F5: variants seen among roughly 807,000 people sequenced by gnomAD.
The protein encoded by F5 is coagulation factor V.
Under a neutral mutation model 216.4 loss-of-function variants are expected in F5, and 138 were observed. That is an observed-to-expected ratio of 0.64 (90% CI 0.56 to 0.73). The LOEUF (loss-of-function observed/expected upper bound fraction) is 0.73. Among genes scored for constraint, F5 ranks in the 30% least tolerant of loss-of-function variants. The pLI is 0.00. For synonymous variants in F5, 916 were observed against 930.7 expected (o/e 0.98, Z 0.29); for missense variants, 2,403 against 2,674.0 (o/e 0.90, Z 2.24).
In F5 at chr1:169,512,519, G is replaced by C. The variant is rs1659052485; in HGVS notation, c.*1794C>G. ...AACTGCAAAGCATTAAATTTAGCAT[G>C]CGGTCCTTCTGAGCATGTGACCCTT... On this transcript the variant is annotated 3_prime_UTR_variant, in exon 25 of 25. Coordinates refer to ENST00000367797, the MANE Select transcript of F5 (RefSeq NM_000130.5). Among the ~76,000 whole-genome samples, 1 of 152,058 alleles carries C rather than the reference G, an allele frequency of 6.6e-6. No homozygotes were observed. Among genetic ancestry groups the C allele is most frequent in the Admixed American group, 6.6e-5 (1 of 15,236 alleles).
chr1:169,544,944 G>T (rs1026946714), intron 11 of F5, among the ~76,000 whole-genome samples: 2 of 152,098 alleles, frequency 1.3e-5, no homozygotes, highest in African/African-American at 2.4e-5. Flanking sequence ...AGTTTTTATT[G>T]CTGTCTTATA....
In F5 at chr1:169,586,458, A is replaced by T; in HGVS notation, c.-72T>A. On this transcript the variant is annotated 5_prime_UTR_variant, in exon 1 of 25. Transcript: ENST00000367797. Reference sequence around the variant, plus strand: ...CAGCGCTTGCCGAGCTGCTAACCACACTCCGGGCTGTCCCAGCTGCAATGA... The same window carrying T: ...CAGCGCTTGCCGAGCTGCTAACCACTCTCCGGGCTGTCCCAGCTGCAATGA... 6.4e-7 allele frequency: 1 copy of T among 1,555,894 alleles called. No homozygotes were observed.
intron 1 of F5, 87 bp downstream of exon 1, chr1:169,586,142 A>C: frequency 6.9e-7 from 1 of 1,442,004 alleles, no homozygotes; most frequent in South Asian, 1.2e-5. Flanking sequence ...AAAAAAAAAA[A>C]GCCATGACAT....
intron 17 of F5, 51 bp downstream of exon 17, chr1:169,527,864 C>A: frequency 6.2e-7 from 1 of 1,604,192 alleles, no homozygotes; most frequent in Non-Finnish European, 8.5e-7. Context: ...TACAGATTGC[C>A]TTTTCCCTGT....
At chr1:169,560,999 G>C (rs577345967) in intron 3 of F5, among the ~76,000 whole-genome samples, 45 of 152,248 alleles carry the variant, frequency 3.0e-4, no homozygotes, top group Non-Finnish European at 8.8e-5. Flanking sequence ...GTAAATTAAA[G>C]TTTAGCAAGT....
chr1:169,586,279 C>T lies in F5; in HGVS notation c.108G>A (p.Val36=), dbSNP rs1174713397. ...TEAAQLRQFY[V]AAQGISWSYR... ...AGCTCCAACTGATGCCCTGAGCAGC[C>T]ACGTAGAACTGCCTTAGCTGTGCCG... Residue 36 remains valine, a synonymous_variant, in exon 1 of 25, where the codon GTG becomes GTA. Coordinates refer to ENST00000367797, the MANE Select transcript of F5 (RefSeq NM_000130.5). The T allele has an allele frequency of 1.5e-5, 25 of 1,614,082 alleles. No individual in the cohort carries two copies. The highest frequency in any genetic ancestry group is 2.1e-5 in the Non-Finnish European group (25 of 1,180,048).
In F5 at chr1:169,540,727, A is replaced by C. The variant is rs141008577; in HGVS notation, c.4363T>G (p.Ser1455Ala). 6.8e-6 allele frequency: 11 copies of C among 1,614,058 alleles called. No homozygotes were observed. The highest frequency in any genetic ancestry group is 9.3e-6 in the Non-Finnish European group (11 of 1,179,978). Residue 1455 changes from serine to alanine, a missense_variant, in exon 13 of 25, where the codon TCA (serine) becomes GCA (alanine). Ser to Ala is a moderately conservative substitution (Grantham distance 99). Coordinates refer to ENST00000367797, the MANE Select transcript of F5 (RefSeq NM_000130.5). ...ATCTGATCAAGGTCTGGAGGAGGTG[A>C]TATCTGGCTGAGATCCGGGAGAAGG... ...TTLLPDLSQI[S>A]PPPDLDQIFY...
intron 14 of F5, 106 bp downstream of exon 14, chr1:169,536,400 G>C (rs2101815131): frequency 4.3e-6 from 4 of 939,862 alleles, no homozygotes; most frequent in Middle Eastern, 4.2e-4. Flanking sequence ...ATTAATCCTG[G>C]AAAACAAACA....
At chr1:169,547,067 G>A (rs995989241) in intron 10 of F5, among the ~76,000 whole-genome samples, 4 of 152,046 alleles carry the variant, frequency 2.6e-5, no homozygotes, top group Admixed American at 1.3e-4. Flanking sequence ...CCGAGGGGCC[G>A]AGGCAGGAGA....
At chr1:169,559,411 G>A in intron 4 of F5, 115 bp from the exon 5 acceptor site, 1 of 1,068,574 alleles carries the variant, frequency 9.4e-7, no homozygotes. Context: ...TCAACTTGAA[G>A]AAATTCTTAT....
chr1:169,565,513 A>G (rs1324707084), intron 3 of F5, among the ~76,000 whole-genome samples: 2 of 152,152 alleles, frequency 1.3e-5, no homozygotes, highest in Non-Finnish European at 2.9e-5. Context: ...CAACAAGTCA[A>G]AGCTCATGGC....
Position 169,550,639 on chromosome 1 carries a change from C to A in F5, c.1396+1G>T. 6.2e-7 allele frequency: 1 copy of A among 1,611,374 alleles called. No homozygotes were observed. Among genetic ancestry groups the A allele is most frequent in the Non-Finnish European group, 8.5e-7 (1 of 1,177,604 alleles). ...ATTCAGTAGAAGTGAAAGATTCAAA[C>A]CTGAGGTGAAAGAAGAGTTGACTTC... On this transcript the variant is annotated splice_donor_variant, in intron 9 of 24. Coordinates refer to ENST00000367797, the MANE Select transcript of F5 (RefSeq NM_000130.5). LOFTEE classifies it high-confidence loss of function.
chr1:169,542,325 C>T lies in F5; in HGVS notation c.2765G>A (p.Arg922Lys), dbSNP rs1283687974. The T allele has an allele frequency of 7.5e-6, 12 of 1,599,492 alleles. No homozygotes were observed. Among genetic ancestry groups the T allele is most frequent in the Non-Finnish European group, 9.4e-6 (11 of 1,168,524 alleles). Residue 922 changes from arginine (R) to lysine (K), a missense_variant, in exon 13 of 25, where the codon AGG becomes AAG. By Grantham distance (26) the Arg-to-Lys change is conservative. Transcript: ENST00000367797. Reference protein sequence around the residue: ...SQDTGSPSRMRPWKDPPSDLL... With the variant: ...SQDTGSPSRMKPWKDPPSDLL... ...ATCACTAGGAGGGTCCTTCCAGGGC[C>T]TCATTCTGGAAGGAGAACCAGTGTC...
rs60781559 is a variant in F5, at chr1:169,582,628, C to T, written c.159-106G>A. The T allele has an allele frequency of 0.011, 6,495 of 591,418 alleles. 301 individuals carry two copies. The highest frequency in any genetic ancestry group is 0.1 in the African/African-American group (5,511 of 53,488). 36.6% of individuals were successfully genotyped at this position (591,418 alleles called of 1,614,324 possible). On this transcript the variant is annotated intron_variant, in intron 1 of 24. Coordinates refer to ENST00000367797, the MANE Select transcript of F5 (RefSeq NM_000130.5). The stretch of plus-strand genomic sequence containing the variant: ...TATCTTCAGACTTCTAGTAGAATAC[C>T]AGTATCTTTATTGTATTTCAGAAGT...
At chr1:169,540,111 G>T (rs375180972) in intron 13 of F5, among the ~76,000 whole-genome samples, 183 bp downstream of exon 13, 1 of 152,048 alleles carries the variant, frequency 6.6e-6, no homozygotes, top group Non-Finnish European at 1.5e-5. Context: ...ATTGTCCAGG[G>T]GTCATCTAAG....
intron 3 of F5, among the ~76,000 whole-genome samples, chr1:169,561,313 C>T (rs539423918): frequency 6.6e-6 from 1 of 152,182 alleles, no homozygotes; most frequent in South Asian, 2.1e-4. Flanking sequence ...CGTCTAACTC[C>T]CCTATGCAGG....
chr1:169,569,427 GAAT>G (rs1251644739), intron 3 of F5, among the ~76,000 whole-genome samples: 1 of 151,886 alleles, frequency 6.6e-6, no homozygotes, highest in African/African-American at 2.4e-5. Context: ...TAAAAGAAAA[GAAT>G]AATATTAAAT....
In F5 at chr1:169,586,259, C is replaced by A; in HGVS notation, c.128G>T (p.Trp43Leu). 6.2e-7 allele frequency: 1 copy of A among 1,614,200 alleles called. No individual in the cohort carries two copies. Among genetic ancestry groups the A allele is most frequent in the South Asian group, 1.1e-5 (1 of 91,080 alleles). Residue 43 changes from tryptophan to leucine, a missense_variant, in exon 1 of 25, where the codon TGG (tryptophan) becomes TTG (leucine). This residue lies in a region of F5 where 1,425 missense variants were observed against 1,554.8 expected (regional missense o/e 0.92). Coordinates refer to ENST00000367797, the MANE Select transcript of F5 (RefSeq NM_000130.5). ...QFYVAAQGIS[W>L]SYRPEPTNSS... ...GTTTGTGGGCTCAGGTCGGTAGCTC[C>A]AACTGATGCCCTGAGCAGCCACGTA...
At chr1:169,524,756 G>C in intron 19 of F5, 81 bp downstream of exon 19, 2 of 1,144,374 alleles carry the variant, frequency 1.7e-6, no homozygotes, top group South Asian at 2.5e-5. Flanking sequence ...TCATAGATAG[G>C]ATTGTCATGT....
Sources: gnomAD v4.1 joint callset for allele counts (sites outside exome capture counted in the v4.1 genomes callset) on GRCh38, gnomAD v4.1.1 for gene constraint, gnomAD v4.1.1 regional missense constraint, MANE v1.5 for transcripts, NCBI Gene and HGNC (gene_info 2026-07-23, HGNC 2026-07-21) for gene names.